TENM1: variants seen among roughly 807,000 people sequenced by gnomAD.
The protein encoded by TENM1 is teneurin transmembrane protein 1, also known as teneurin-1.
A neutral mutation model predicts 174.8 loss-of-function variants in TENM1; 35 were observed. The observed-to-expected ratio is 0.20, with a 90% confidence interval of 0.15 to 0.27. The LOEUF (loss-of-function observed/expected upper bound fraction) is 0.27, where lower values mean the gene tolerates loss of function less well. TENM1 is among the 10% of genes least tolerant of loss of function. TENM1 has a pLI of 1.00. For missense variants in TENM1, 1,633 were observed against 2,130.1 expected, an observed-to-expected ratio of 0.77 and a Z score of 4.59; for synonymous variants, 781 against 798.7, an observed-to-expected ratio of 0.98 and a Z score of 0.37.
chrX:124,863,728 A>G (rs2056954826), intron 3 of TENM1, among the ~76,000 whole-genome samples: 1 of 112,513 alleles, frequency 8.9e-6, no homozygotes, highest in Non-Finnish European at 1.9e-5. Flanking sequence ...ACACCAGCCA[A>G]TTGTAGAGCC....
In TENM1 at chrX:124,442,823, G is replaced by A. The variant is rs375285581; in HGVS notation, c.4104+10514C>T. ...ACTACAGGCATGCACCACCATGCCC[G>A]ACTAATGTTTGTATTTTTTGTAGAG... On this transcript the variant is annotated intron_variant, in intron 23 of 31. Coordinates refer to ENST00000422452, the Ensembl canonical transcript of TENM1. 2.7e-5 allele frequency among the ~76,000 whole-genome samples: 3 copies of A among 109,690 alleles called. No homozygotes were observed. The East Asian group carries it at 8.6e-4, about 31-fold the overall frequency.
At chrX:124,963,478 C>G in intron 1 of TENM1, 59 bp downstream of exon 4, 1 of 1,024,554 alleles carries the variant, frequency 9.8e-7, no homozygotes, top group South Asian at 2.1e-5. Context: ...AAAGTTTATG[C>G]ACACAAGCAT....
At chrX:125,168,220 G>A in the TENM1 span, among the ~76,000 whole-genome samples, 1 of 111,775 alleles carries the variant, frequency 8.9e-6, no homozygotes, top group Non-Finnish European at 1.9e-5. Context: ...TAGGGCACTT[G>A]CCATTTTGCA....
intron 27 of TENM1, among the ~76,000 whole-genome samples, chrX:124,403,504 A>T (rs1441898800): frequency 3.1e-5 from 3 of 96,736 alleles, no homozygotes; most frequent in Non-Finnish European, 6.2e-5. Context: ...TGGGCGACAG[A>T]GCAAGACTCT....
the TENM1 span, among the ~76,000 whole-genome samples, chrX:125,199,382 T>C: frequency 8.9e-6 from 1 of 112,443 alleles, no homozygotes; most frequent in Middle Eastern, 4.6e-3. Flanking sequence ...AAGAACTTCA[T>C]AGGGGATTAT....
chrX:124,979,418 T>C, the TENM1 span, among the ~76,000 whole-genome samples: 1 of 112,066 alleles, frequency 8.9e-6, no homozygotes, highest in Non-Finnish European at 1.9e-5. Context: ...AGAAGTGCTA[T>C]ACATTGGGGA....
In TENM1 at chrX:124,413,656, A is replaced by G. The variant is rs2060561339; in HGVS notation, c.4982+6655T>C. On this transcript the variant is annotated intron_variant, in intron 25 of 31. Coordinates refer to ENST00000422452, the Ensembl canonical transcript of TENM1. ...TTTTACTCACTCTTGATCCTTATCA[A>G]GGGCATAAAGCACAAGGAGAGGTGA... Among the ~76,000 whole-genome samples the G allele has an allele frequency of 3.6e-5, 4 of 112,374 alleles. 1 individual carries two copies. The highest frequency in any genetic ancestry group is 1.3e-4 in the African/African-American group (4 of 30,894).
chrX:125,063,647 A>C, the TENM1 span, among the ~76,000 whole-genome samples: 2 of 111,894 alleles, frequency 1.8e-5, no homozygotes, highest in African/African-American at 6.5e-5. Context: ...GTGATCATTA[A>C]AAAGTCAGGA....
intron 3 of TENM1, among the ~76,000 whole-genome samples, chrX:124,789,189 G>A (rs1198472197): frequency 9.0e-6 from 1 of 111,092 alleles, no homozygotes; most frequent in African/African-American, 3.3e-5. Flanking sequence ...AGTCATGGCT[G>A]CAGTGGCTGG....
the TENM1 span, among the ~76,000 whole-genome samples, chrX:125,186,230 GC>G: frequency 9.0e-6 from 1 of 111,234 alleles, no homozygotes; most frequent in African/African-American, 3.3e-5. Context: ...GGAAACTAAG[GC>G]CCAGAGAGAT....
At chrX:124,669,374 GA>G (rs1569378984) in intron 6 of TENM1, among the ~76,000 whole-genome samples, 1 of 111,295 alleles carries the variant, frequency 9.0e-6, no homozygotes, top group Admixed American at 9.6e-5. Context: ...AACAATTTAG[GA>G]AGAATGGTCT....
chrX:124,481,599 C>G (rs1286131878), intron 22 of TENM1, 133 bp downstream of exon 25: 1 of 212,332 alleles, frequency 4.7e-6, no homozygotes, highest in East Asian at 7.9e-5. Context: ...TATTTTGGCT[C>G]TCAGAGGCAA....
At chrX:124,488,386 T>A (rs1299136794) in intron 20 of TENM1, among the ~76,000 whole-genome samples, 3 of 112,320 alleles carry the variant, frequency 2.7e-5, no homozygotes, top group Non-Finnish European at 5.6e-5. Context: ...ATATACAAAA[T>A]TTTTCATCTG....
chrX:124,471,482 A>AGC (rs2061329191), intron 22 of TENM1, among the ~76,000 whole-genome samples: 1 of 65,802 alleles, frequency 1.5e-5, no homozygotes, highest in African/African-American at 6.4e-5. Flanking sequence ...TATAATATAT[A>AGC]ATATATAGTA....
intron 1 of TENM1, among the ~76,000 whole-genome samples, chrX:124,948,338 A>G (rs1479510414): frequency 1.8e-5 from 2 of 112,077 alleles, no homozygotes. Context: ...GAGGGAGCAC[A>G]AGATCTACTG....
At chrX:124,567,222 A>T (rs1394704069) in intron 11 of TENM1, among the ~76,000 whole-genome samples, 1 of 111,622 alleles carries the variant, frequency 9.0e-6, no homozygotes, top group Non-Finnish European at 1.9e-5. Flanking sequence ...AGGACTGGAG[A>T]TATAAAATTG....
At chrX:125,001,925 TCACACACA>T in the TENM1 span, among the ~76,000 whole-genome samples, 10,317 of 67,107 alleles carry the variant, frequency 0.15, 688 homozygotes, top group South Asian at 0.22. Flanking sequence ...TCTAGAGAGA[TCACACACA>T]CACACACACA....
At chrX:124,405,404 T>C (rs758796098) in intron 26 of TENM1, 138 bp from the exon 30 acceptor site, 119 of 474,340 alleles carry the variant, frequency 2.5e-4, no homozygotes, top group Non-Finnish European at 3.9e-4. Flanking sequence ...CCTTCTGGGC[T>C]AGACTACCGC....
At chrX:125,060,216 C>T in the TENM1 span, among the ~76,000 whole-genome samples, 1 of 104,653 alleles carries the variant, frequency 9.6e-6, no homozygotes, top group Non-Finnish European at 1.9e-5. Context: ...CACACACATC[C>T]TATTTGTTCT....
Sources: allele counts gnomAD v4.1 joint callset (sites outside exome capture counted in the v4.1 genomes callset), GRCh38; gene constraint gnomAD v4.1.1; transcripts MANE v1.5; gene names NCBI Gene and HGNC (gene_info 2026-07-23, HGNC 2026-07-21).